The following WLS variants were observed in gnomAD, a reference collection of about 807,000 sequenced individuals.
WLS encodes the protein Wnt ligand secretion mediator.
WLS carries 23 observed loss-of-function variants against 62.8 expected under a neutral mutation model. The ratio of observed to expected loss-of-function variants is 0.37; its 90% CI spans 0.26 to 0.52. The LOEUF is 0.52. WLS is among the 20% of genes least tolerant of loss of function. The probability of loss-of-function intolerance (pLI) is 0.92; values close to 1 mark genes in which losing one functional copy is unlikely to be tolerated. For missense variants in WLS, 615 were observed against 697.3 expected, an observed-to-expected ratio of 0.88 and a Z score of 1.33; for synonymous variants, 246 against 244.1, an observed-to-expected ratio of 1.01 and a Z score of -0.07.
In WLS at chr1:68,158,923, A is replaced by T. The variant is rs541177144; in HGVS notation, c.504+200T>A. Among the ~76,000 whole-genome samples the T allele has an allele frequency of 2.4e-4, 36 of 152,340 alleles. No homozygotes were observed. The South Asian group carries it at 6.6e-3, about 28-fold the overall frequency. On this transcript the variant is annotated intron_variant, in intron 3 of 11. Transcript: ENST00000262348. The stretch of plus-strand genomic sequence containing the variant: ...CTCATGTTTTTACTATTTTGCAGGA[A>T]ATCTTAACAGTAATAGGCAAAAGCA...
intron 1 of WLS, among the ~76,000 whole-genome samples, chr1:68,215,313 G>A (rs952618075): frequency 3.3e-5 from 5 of 152,092 alleles, no homozygotes; most frequent in Admixed American, 2.0e-4. Context: ...GAACAACCAC[G>A]CAAGTCATAT....
chr1:68,152,480 G>T (rs1464163300), intron 5 of WLS, among the ~76,000 whole-genome samples: 1 of 152,164 alleles, frequency 6.6e-6, no homozygotes, highest in African/African-American at 2.4e-5. Flanking sequence ...CCAACAGAAG[G>T]GTAGAGGAGA....
At chr1:68,128,033 T>C (rs1267060807) in intron 11 of WLS, among the ~76,000 whole-genome samples, 2 of 152,212 alleles carry the variant, frequency 1.3e-5, no homozygotes, top group Non-Finnish European at 1.5e-5. Context: ...TTCCCTGGCC[T>C]CAGAAGCAGA....
At chr1:68,139,576 G>A (rs904699503) in intron 10 of WLS, among the ~76,000 whole-genome samples, 4 of 152,166 alleles carry the variant, frequency 2.6e-5, no homozygotes, top group Admixed American at 6.5e-5. Context: ...CTCTGTTAAG[G>A]CAGTGGACCC....
Position 68,232,422 on chromosome 1 carries a change from G to A in WLS, c.-123C>T. On this transcript the variant is annotated 5_prime_UTR_variant, in exon 1 of 12. Coordinates refer to ENST00000262348, the MANE Select transcript of WLS (RefSeq NM_024911.7). ...TTCTGGGCGCTGCAAAACTTCAGAG[G>A]TGCTGGAGCGCGGCGAGGATGGGAC... is the stretch of plus-strand genomic sequence containing the variant. 1 of 1,441,884 alleles carries A rather than the reference G, an allele frequency of 6.9e-7. No individual in the cohort carries two copies. The highest frequency in any genetic ancestry group is 9.1e-7 in the Non-Finnish European group (1 of 1,096,588). 89.3% of individuals were successfully genotyped at this position (1,441,884 alleles called of 1,614,324 possible).
intron 2 of WLS, among the ~76,000 whole-genome samples, chr1:68,168,444 G>A (rs763457075): frequency 1.7e-4 from 26 of 152,158 alleles, no homozygotes; most frequent in Non-Finnish European, 3.2e-4. Flanking sequence ...TGGAAACAGT[G>A]GGAACTACTC....
At chr1:68,115,434 T>C (rs1646278634) in intron 11 of WLS, among the ~76,000 whole-genome samples, 1 of 152,190 alleles carries the variant, frequency 6.6e-6, no homozygotes, top group Non-Finnish European at 1.5e-5. Context: ...GCCAATTCAT[T>C]CAGTTTAACA....
chr1:68,130,439 A>G (rs1646502116), intron 11 of WLS, among the ~76,000 whole-genome samples: 1 of 152,070 alleles, frequency 6.6e-6, no homozygotes, highest in Non-Finnish European at 1.5e-5. Flanking sequence ...AAGATTCCAA[A>G]CCATCTGTGT....
chr1:68,099,707 ATTG>A (rs1456706690), intron 11 of WLS: 2 of 151,782 alleles, frequency 1.3e-5, no homozygotes, highest in South Asian at 2.1e-4. Flanking sequence ...TGTCATTTTT[ATTG>A]TTATTTTTAA....
At chr1:68,141,468 G>T (rs555920278) in intron 10 of WLS, 1 of 152,244 alleles carries the variant, frequency 6.6e-6, no homozygotes, top group South Asian at 2.1e-4. Context: ...CCATCTCTTG[G>T]TTGCTATGAC....
In WLS at chr1:68,194,107, T is replaced by A; in HGVS notation, c.227A>T (p.Asp76Val). The part of the protein sequence containing the change: ...WGPNHCDKIR[D>V]IEEAIPREIE... ...TTCCCTTGGAATTGCCTCTTCAATG[T>A]CTCGGATCTTGTCACAATGATTGGG... Residue 76 changes from aspartate to valine, a missense_variant, in exon 2 of 12, where the codon GAC becomes GTC. Transcript: ENST00000262348. 6.2e-6 allele frequency: 10 copies of A among 1,614,196 alleles called. No individual in the cohort carries two copies. The highest frequency in any genetic ancestry group is 1.3e-5 in the African/African-American group (1 of 75,056).
chr1:68,154,390 T>G (rs1464522619), intron 4 of WLS, among the ~76,000 whole-genome samples: 3 of 152,338 alleles, frequency 2.0e-5, no homozygotes, highest in Non-Finnish European at 4.4e-5. Context: ...TGGTAAGTGT[T>G]AAGGTAAATC....
At chr1:68,118,594 G>A (rs187540276) in intron 11 of WLS, among the ~76,000 whole-genome samples, 7 of 150,384 alleles carry the variant, frequency 4.7e-5, no homozygotes, top group South Asian at 2.1e-4. Flanking sequence ...CACCTGGCCC[G>A]GCTGGTTGTG....
chr1:68,145,610 T>C (rs1646742161), intron 9 of WLS, among the ~76,000 whole-genome samples: 1 of 151,982 alleles, frequency 6.6e-6, no homozygotes, highest in African/African-American at 2.4e-5. Context: ...ATCACCAAGC[T>C]GAAGAACCGG....
At position 68,153,568 on chromosome 1, in the gene WLS, C is replaced by T; in HGVS notation, c.752G>A (p.Trp251Ter). ...LTPSIFIIMV[W>*]YWRRITMMSR... ...CATCATGGTGATCCTCCTCCAATAC[C>T]ACACCATAATGATGAAGATGCTGGG... The change falls in exon 5 of 12, where the codon TGG (tryptophan) becomes TAG (stop). Residue 251 changes from tryptophan (W) to a stop codon, truncating the protein, a stop_gained. Coordinates refer to ENST00000262348, the MANE Select transcript of WLS (RefSeq NM_024911.7). LOFTEE classifies it high-confidence loss of function. The T allele has an allele frequency of 1.2e-6, 2 of 1,614,162 alleles. No homozygotes were observed. Among genetic ancestry groups the T allele is most frequent in the Non-Finnish European group, 1.7e-6 (2 of 1,180,032 alleles).
intron 7 of WLS, among the ~76,000 whole-genome samples, 178 bp downstream of exon 7, chr1:68,148,383 CTG>C (rs1452563644): frequency 6.6e-6 from 1 of 152,190 alleles, no homozygotes; most frequent in African/African-American, 2.4e-5. Flanking sequence ...TATTTTTCAA[CTG>C]TAAAGAGCTG....
At chr1:68,162,993 C>G in intron 2 of WLS, 1 of 1,592,870 alleles carries the variant, frequency 6.3e-7, no homozygotes, top group Admixed American at 1.7e-5. Flanking sequence ...CACCAGGGGG[C>G]AGGAGTGCAG....
At chr1:68,145,634 T>C (rs2772313) in intron 9 of WLS, among the ~76,000 whole-genome samples, 151,583 of 152,156 alleles carry the variant, frequency 1, 75,509 homozygotes, top group Middle Eastern at 1. Context: ...AACAAGTTTA[T>C]TCATTACTGA....
At chr1:68,169,327 C>T (rs911094525) in intron 2 of WLS, among the ~76,000 whole-genome samples, 1 of 152,120 alleles carries the variant, frequency 6.6e-6, no homozygotes, top group Non-Finnish European at 1.5e-5. Context: ...AAATGCTATA[C>T]CACTGAAAAA....
Sources: allele counts gnomAD v4.1 joint callset (sites outside exome capture counted in the v4.1 genomes callset), GRCh38; gene constraint gnomAD v4.1.1; transcripts MANE v1.5; gene names NCBI Gene and HGNC (gene_info 2026-07-23, HGNC 2026-07-21).